Variants in UTRN observed in about 807,000 individuals in gnomAD.
UTRN encodes the protein dystrophin-related protein 1.
In UTRN, 283 loss-of-function variants were observed where a neutral mutation model predicts 463.9. The observed-to-expected ratio is 0.61, with a 90% CI of 0.55 to 0.67. UTRN has a LOEUF of 0.67. Ranked by LOEUF, UTRN falls within the 30% of genes least tolerant of loss-of-function variation. The pLI is 0.00. For missense variants in UTRN, 3,922 were observed against 4,084.3 expected (o/e 0.96, Z 1.08); for synonymous variants, 1,442 against 1,431.5 (o/e 1.01, Z -0.17).
At chr6:144,844,267 T>G (rs1461274488) in intron 73 of UTRN, among the ~76,000 whole-genome samples, 3 of 151,540 alleles carry the variant, frequency 2.0e-5, no homozygotes, top group African/African-American at 7.3e-5. Flanking sequence ...TGTCTTTCTC[T>G]CTCTTTTTTT....
intron 14 of UTRN, among the ~76,000 whole-genome samples, chr6:144,444,941 A>G (rs6570631): frequency 0.053 from 8,007 of 152,294 alleles, 662 homozygotes; most frequent in African/African-American, 0.17. Flanking sequence ...TAATTTTTCA[A>G]TAGGACTGGT....
In UTRN at chr6:144,823,876, G is replaced by A. The variant is rs566756438; in HGVS notation, c.9494+2858G>A. On this transcript the variant is annotated intron_variant, in intron 66 of 74. Coordinates refer to ENST00000367545, the MANE Select transcript of UTRN (RefSeq NM_007124.3). ...ACACCTCTCCCTGGTATTGGTTAAA[G>A]GGGAGTAAATGAGTTTAAAGATTTT... 2.6e-5 allele frequency among the ~76,000 whole-genome samples: 4 copies of A among 152,278 alleles called. No homozygotes were observed. The East Asian group carries it at 5.8e-4, about 22-fold the overall frequency.
At chr6:144,302,672 T>G (rs1483806106) in intron 2 of UTRN, among the ~76,000 whole-genome samples, 1 of 152,138 alleles carries the variant, frequency 6.6e-6, no homozygotes, top group African/African-American at 2.4e-5. Flanking sequence ...TCAGGCTAGT[T>G]GGAAAGAAAG....
At chr6:144,613,033 G>A (rs146461122) in intron 51 of UTRN, among the ~76,000 whole-genome samples, 10 of 152,162 alleles carry the variant, frequency 6.6e-5, no homozygotes, top group Admixed American at 3.9e-4. Context: ...TTTACAAATG[G>A]TGTAAATCCT....
intron 51 of UTRN, among the ~76,000 whole-genome samples, chr6:144,612,705 G>A (rs2128643364): frequency 6.6e-6 from 1 of 152,178 alleles, no homozygotes; most frequent in South Asian, 2.1e-4. Flanking sequence ...AAGATAACTG[G>A]TGTTGGAGAA....
chr6:144,763,957 C>A (rs552314512), intron 58 of UTRN, among the ~76,000 whole-genome samples: 1 of 152,040 alleles, frequency 6.6e-6, no homozygotes, highest in African/African-American at 2.4e-5. Flanking sequence ...ACTCTTGGGC[C>A]GCACTTTGAA....
At chr6:144,498,641 G>A (rs992987563) in intron 33 of UTRN, among the ~76,000 whole-genome samples, 1 of 151,114 alleles carries the variant, frequency 6.6e-6, no homozygotes, top group Admixed American at 6.6e-5. Flanking sequence ...TGTTTTTCTC[G>A]CTTAATACAC....
intron 56 of UTRN, 142 bp from the exon 57 acceptor site, chr6:144,754,578 A>T: frequency 2.7e-6 from 1 of 372,604 alleles, no homozygotes; most frequent in Non-Finnish European, 4.5e-6. Flanking sequence ...CCAGAGACAG[A>T]GAAGGGGTCC....
chr6:144,574,985 T>G (rs1235720417), intron 50 of UTRN, among the ~76,000 whole-genome samples: 1 of 152,158 alleles, frequency 6.6e-6, no homozygotes, highest in Non-Finnish European at 1.5e-5. Context: ...CAGCTGTTTT[T>G]CAAAATGGCT....
At chr6:144,626,749 C>T (rs1013577180) in intron 51 of UTRN, among the ~76,000 whole-genome samples, 4 of 152,210 alleles carry the variant, frequency 2.6e-5, no homozygotes, top group Admixed American at 6.5e-5. Context: ...AAGCAATTCT[C>T]CTGTCTCAGC....
chr6:144,693,734 T>C lies in UTRN; in HGVS notation c.7653-6353T>C, dbSNP rs1028247399. On this transcript the variant is annotated intron_variant, in intron 52 of 74. Coordinates refer to ENST00000367545, the MANE Select transcript of UTRN (RefSeq NM_007124.3). ...AGGAATGCTAGTGATTTTTGCACAT[T>C]GATTTTTTTTATCCTGAGACGCTGC... 2.0e-5 allele frequency among the ~76,000 whole-genome samples: 3 copies of C among 151,304 alleles called. No individual in the cohort carries two copies. The East Asian group carries it at 5.8e-4, about 29-fold the overall frequency.
chr6:144,812,923 TAGC>T (rs1465943647), intron 65 of UTRN, among the ~76,000 whole-genome samples: 1 of 152,182 alleles, frequency 6.6e-6, no homozygotes, highest in Non-Finnish European at 1.5e-5. Flanking sequence ...GGCTACTTAA[TAGC>T]AGTACAGTGG....
chr6:144,784,837 T>A (rs1776165714), intron 61 of UTRN, among the ~76,000 whole-genome samples: 1 of 152,240 alleles, frequency 6.6e-6, no homozygotes. Flanking sequence ...TTTCTCATTT[T>A]TCATTTTAAA....
rs759985152 is a variant in UTRN at position 144,836,486 on chromosome 6, A to C, written c.10010A>C (p.Asp3337Ala). Residue 3337 changes from aspartate (D) to alanine (A), a missense_variant, in exon 71 of 75, where the codon GAT (aspartate) becomes GCT (alanine). Physicochemically the swap from Asp to Ala is moderately radical, Grantham distance 126. Transcript: ENST00000367545. ...RLEARMQILE[D>A]HNKQLESQLH... ...GAGGCTAGGATGCAGATTTTAGAAG[A>C]TCACAATAAACAGCTGGAGTCTCAG... The C allele has an allele frequency of 2.5e-6, 4 of 1,613,856 alleles. No individual in the cohort carries two copies. In the African/African-American group the frequency reaches 5.3e-5, roughly 22 times the overall value.
chr6:144,704,834 C>T (rs568593832), intron 53 of UTRN, among the ~76,000 whole-genome samples: 195 of 152,044 alleles, frequency 1.3e-3, no homozygotes, highest in Non-Finnish European at 2.1e-3. Flanking sequence ...TGGTGACGTG[C>T]GCCTGTAGTC....
rs1438100727 is a variant in UTRN, at chr6:144,820,966, C to T, written c.9442C>T (p.Arg3148Ter). Residue 3148 changes from arginine (R) to a stop codon, truncating the protein, a stop_gained, in exon 66 of 75, where the codon CGA becomes TGA. Coordinates refer to ENST00000367545, the MANE Select transcript of UTRN (RefSeq NM_007124.3). LOFTEE classifies it high-confidence loss of function. ...RSKKYFAKHP[R>*]LGYLPVQTVL... ...GAAGAAGTACTTTGCCAAACACCCT[C>T]GACTTGGTTACCTGCCTGTCCAGAC... is the stretch of plus-strand genomic sequence containing the variant. The T allele has an allele frequency of 6.2e-7, 1 of 1,613,900 alleles. No individual in the cohort carries two copies. Among genetic ancestry groups the T allele is most frequent in the Non-Finnish European group, 8.5e-7 (1 of 1,179,874 alleles).
intron 51 of UTRN, among the ~76,000 whole-genome samples, chr6:144,596,407 T>G (rs1803649264): frequency 6.6e-6 from 1 of 152,160 alleles, no homozygotes; most frequent in Non-Finnish European, 1.5e-5. Flanking sequence ...ACTTTGGATA[T>G]TCTCAAGTTT....
chr6:144,357,747 A>G (rs545788597), intron 2 of UTRN, among the ~76,000 whole-genome samples: 9 of 152,338 alleles, frequency 5.9e-5, no homozygotes, highest in African/African-American at 2.2e-4. Context: ...TTTTTGGGAA[A>G]CATTTATTTG....
intron 73 of UTRN, among the ~76,000 whole-genome samples, chr6:144,845,535 C>A (rs1419720355): frequency 1.3e-5 from 2 of 152,146 alleles, no homozygotes; most frequent in Admixed American, 1.3e-4. Context: ...CAGGCAAATA[C>A]CCATAGCCTT....
Sources: gnomAD v4.1 joint callset for allele counts (sites outside exome capture counted in the v4.1 genomes callset) on GRCh38, gnomAD v4.1.1 for gene constraint, MANE v1.5 for transcripts, NCBI Gene and HGNC (gene_info 2026-07-23, HGNC 2026-07-21) for gene names.